OR51B5: variants seen among roughly 807,000 people sequenced by gnomAD.
OR51B5 encodes olfactory receptor family 51 subfamily B member 5.
For synonymous variants in OR51B5, 186 were observed against 144.8 expected (o/e 1.28, Z -2.04); for missense variants, 456 against 374.6 (o/e 1.22, Z -1.79).
chr11:5,365,195 CTG>C (rs1301066232), intron 1 of OR51B5, among the ~76,000 whole-genome samples: 1 of 152,096 alleles, frequency 6.6e-6, no homozygotes, highest in African/African-American at 2.4e-5. Flanking sequence ...GGGCTGGCAA[CTG>C]TGTTTAAAAT....
chr11:5,353,322 T>C (rs1360564858), intron 1 of OR51B5, among the ~76,000 whole-genome samples: 2 of 152,218 alleles, frequency 1.3e-5, no homozygotes, highest in African/African-American at 4.8e-5. Context: ...ATTGTCTTGA[T>C]AGTTAATTCC....
At chr11:5,387,690 C>G (rs997283925) in intron 1 of OR51B5, among the ~76,000 whole-genome samples, 3 of 151,148 alleles carry the variant, frequency 2.0e-5, no homozygotes, top group Non-Finnish European at 4.4e-5. Flanking sequence ...TCAAGCTGCT[C>G]TCTGCTTCAG....
At chr11:5,457,146 C>G (rs1228605307) in intron 1 of OR51B5, among the ~76,000 whole-genome samples, 1 of 152,194 alleles carries the variant, frequency 6.6e-6, no homozygotes, top group African/African-American at 2.4e-5. Context: ...AATGCCCCTT[C>G]AAGTAGGCCT....
At chr11:5,401,323 G>C (rs1414243271) in intron 1 of OR51B5, among the ~76,000 whole-genome samples, 1 of 152,244 alleles carries the variant, frequency 6.6e-6, no homozygotes, top group African/African-American at 2.4e-5. Flanking sequence ...ATCGTTGACA[G>C]AATATTTTCA....
At chr11:5,344,708 G>A (rs1038180401), upstream of OR51B5, among the ~76,000 whole-genome samples, 2 of 152,152 alleles carry the variant, frequency 1.3e-5, no homozygotes, top group South Asian at 2.1e-4. Context: ...TTGTGAACAC[G>A]CATCATGTGA....
intron 1 of OR51B5, chr11:5,403,213 C>A: frequency 2.1e-6 from 1 of 471,314 alleles, no homozygotes. Context: ...TTCATTGTTA[C>A]CTCTACTTTT....
At chr11:5,368,697 C>A (rs1363354683) in intron 1 of OR51B5, among the ~76,000 whole-genome samples, 1 of 152,066 alleles carries the variant, frequency 6.6e-6, no homozygotes, top group Non-Finnish European at 1.5e-5. Context: ...TTTTATCTGT[C>A]AAGAGCAAAA....
chr11:5,464,123 C>T (rs1366245110), intron 1 of OR51B5, among the ~76,000 whole-genome samples: 2 of 152,172 alleles, frequency 1.3e-5, no homozygotes, highest in East Asian at 1.9e-4. Flanking sequence ...AATAGCTAAA[C>T]CTAATGTCTC....
chr11:5,501,804 A>C (rs545347004), intron 1 of OR51B5, among the ~76,000 whole-genome samples: 1 of 148,354 alleles, frequency 6.7e-6, no homozygotes, highest in African/African-American at 2.4e-5. Context: ...TCTAGGGTAC[A>C]TGTGCACAAC....
chr11:5,421,222 C>T (rs1163260193), intron 1 of OR51B5, among the ~76,000 whole-genome samples: 2 of 152,208 alleles, frequency 1.3e-5, no homozygotes, highest in African/African-American at 2.4e-5. Context: ...CCGTGTAATC[C>T]TGAAGCGACC....
chr11:5,366,713 GAGGAA>G (rs368398766), intron 1 of OR51B5, among the ~76,000 whole-genome samples: 83 of 151,788 alleles, frequency 5.5e-4, no homozygotes, highest in African/African-American at 1.7e-3. Flanking sequence ...AGTAGAGGAG[GAGGAA>G]AGGAAAGGAA....
In OR51B5 at chr11:5,385,331, C is replaced by T. The variant is rs1335623522; in HGVS notation, n.85-38421G>A. The T allele has an allele frequency of 2.6e-5, 4 of 152,136 alleles. 1 individual carries two copies. The highest frequency in any genetic ancestry group is 6.5e-5 in the Admixed American group (1 of 15,276). 9.4% of individuals were successfully genotyped at this position (152,136 alleles called of 1,614,324 possible). On this transcript the variant is annotated intron_variant and non_coding_transcript_variant, in intron 1 of 4. Transcript: ENST00000415970. Reference sequence around the variant, plus strand: ...TACTTTCCAAGAGAAATAATCCCAGCCCTGTCATTGTCTCTGTATAGACAT... The same window carrying T: ...TACTTTCCAAGAGAAATAATCCCAGTCCTGTCATTGTCTCTGTATAGACAT...
At position 5,482,099 on chromosome 11, in the gene OR51B5, C is replaced by G. The variant is rs1244417546; in HGVS notation, n.84+23470G>C. Among the ~76,000 whole-genome samples, 30 of 120,098 alleles carry G rather than the reference C, an allele frequency of 2.5e-4. 11 individuals carry two copies. The highest frequency in any genetic ancestry group is 1.0e-3 in the African/African-American group (28 of 27,142). 78.8% of individuals were successfully genotyped at this position (120,098 alleles called of 152,430 possible). On this transcript the variant is annotated intron_variant and non_coding_transcript_variant, in intron 1 of 4. Transcript: ENST00000415970. ...CTGGAGGCATCACACTACCTGACTTCAAACTATACTACAAGGCTACAATAA... is the reference window on the plus strand; with the variant it reads ...CTGGAGGCATCACACTACCTGACTTGAAACTATACTACAAGGCTACAATAA...
At chr11:5,468,238 ACT>A (rs1215532901) in intron 1 of OR51B5, among the ~76,000 whole-genome samples, 2 of 152,076 alleles carry the variant, frequency 1.3e-5, no homozygotes, top group South Asian at 4.1e-4. Context: ...TCAGTTCAAG[ACT>A]CTCTTTCTTG....
intron 1 of OR51B5, among the ~76,000 whole-genome samples, chr11:5,470,965 C>T (rs1017334849): frequency 3.3e-5 from 5 of 152,212 alleles, no homozygotes. Flanking sequence ...CTATCAATGG[C>T]TTCACTTACC....
intron 1 of OR51B5, among the ~76,000 whole-genome samples, chr11:5,476,275 A>T (rs1851303357): frequency 2.6e-5 from 4 of 152,226 alleles, no homozygotes; most frequent in African/African-American, 9.7e-5. Context: ...AAACATTATG[A>T]AACAGATTCA....
intron 1 of OR51B5, among the ~76,000 whole-genome samples, chr11:5,359,089 A>T (rs1849239385): frequency 6.6e-6 from 1 of 152,204 alleles, no homozygotes. Context: ...GGCACAAGAC[A>T]GGGATGCCCT....
intron 1 of OR51B5, among the ~76,000 whole-genome samples, chr11:5,428,014 T>C (rs1175012962): frequency 2.0e-5 from 3 of 152,134 alleles, no homozygotes; most frequent in African/African-American, 4.8e-5. Flanking sequence ...AACATGTTCA[T>C]GTATTCTTAA....
At chr11:5,479,669 C>T (rs1034013881) in intron 1 of OR51B5, among the ~76,000 whole-genome samples, 34 of 151,738 alleles carry the variant, frequency 2.2e-4, no homozygotes, top group African/African-American at 7.3e-4. Flanking sequence ...GGAGGAAGAT[C>T]TACCAAGCAA....
Sources: allele counts gnomAD v4.1 joint callset (sites outside exome capture counted in the v4.1 genomes callset), GRCh38; gene constraint gnomAD v4.1.1; transcripts MANE v1.5; gene names NCBI Gene and HGNC (gene_info 2026-07-23, HGNC 2026-07-21).